SV2C: variants seen among roughly 807,000 people sequenced by gnomAD.
The protein encoded by SV2C is solute carrier family 22 member B3.
A neutral mutation model predicts 79.7 loss-of-function variants in SV2C; 49 were observed. That is an observed-to-expected ratio of 0.61 (90% CI 0.49 to 0.78). The LOEUF (loss-of-function observed/expected upper bound fraction) is 0.78, where lower values mean the gene tolerates loss of function less well. Among genes scored for constraint, SV2C ranks in the 30% least tolerant of loss-of-function variants. SV2C has a pLI of 0.00. For missense variants in SV2C, 833 were observed against 912.9 expected (o/e 0.91, Z 1.13); for synonymous variants, 334 against 333.2 (o/e 1.00, Z -0.03).
the SV2C span, among the ~76,000 whole-genome samples, chr5:76,005,459 A>G: frequency 1.3e-5 from 2 of 152,170 alleles, no homozygotes; most frequent in East Asian, 3.9e-4. Flanking sequence ...ATGGTTTTTT[A>G]GTTGGTTTTC....
chr5:76,213,026 C>T (rs34210438), intron 4 of SV2C, among the ~76,000 whole-genome samples: 15,862 of 152,104 alleles, frequency 0.1, 1,078 homozygotes, highest in Non-Finnish European at 0.16. Context: ...AAAACAATGA[C>T]GACACAACAA....
At chr5:76,168,434 G>A (rs1027939065) in intron 2 of SV2C, among the ~76,000 whole-genome samples, 1 of 151,390 alleles carries the variant, frequency 6.6e-6, no homozygotes, top group Non-Finnish European at 1.5e-5. Flanking sequence ...ATAATAATAT[G>A]TGGAACTCCT....
the SV2C span, among the ~76,000 whole-genome samples, chr5:75,991,964 A>AT: frequency 6.6e-6 from 1 of 151,572 alleles, no homozygotes; most frequent in Non-Finnish European, 1.5e-5. Flanking sequence ...TTGTTTTGCA[A>AT]TTTTTTTCTT....
chr5:75,896,651 C>A, the SV2C span, among the ~76,000 whole-genome samples: 1 of 151,706 alleles, frequency 6.6e-6, no homozygotes, highest in African/African-American at 2.4e-5. Flanking sequence ...ACACTGACTT[C>A]CACAATGGTT....
chr5:75,981,787 C>G, the SV2C span, among the ~76,000 whole-genome samples: 1 of 152,002 alleles, frequency 6.6e-6, no homozygotes, highest in Non-Finnish European at 1.5e-5. Flanking sequence ...CTAGGCAATA[C>G]TATTCAGGAC....
chr5:75,883,405 G>A, the SV2C span, among the ~76,000 whole-genome samples: 9 of 142,842 alleles, frequency 6.3e-5, 1 homozygote, highest in African/African-American at 1.5e-4. Flanking sequence ...TGTTTATTGC[G>A]GCATTATTCA....
At chr5:76,100,424 T>A (rs1425906878) in intron 1 of SV2C, among the ~76,000 whole-genome samples, 3 of 152,202 alleles carry the variant, frequency 2.0e-5, no homozygotes, top group Non-Finnish European at 4.4e-5. Flanking sequence ...GTCACACTAG[T>A]GATTTAATAA....
chr5:75,863,538 T>C, the SV2C span, among the ~76,000 whole-genome samples: 57 of 152,354 alleles, frequency 3.7e-4, 1 homozygote, highest in Non-Finnish European at 7.5e-4. Flanking sequence ...AATCTGATTA[T>C]CCATGTGGAA....
chr5:76,335,032 C>T (rs146997566), downstream of SV2C, among the ~76,000 whole-genome samples: 374 of 152,326 alleles, frequency 2.5e-3, 3 homozygotes, highest in Non-Finnish European at 4.1e-3. Context: ...TTAAACTTAA[C>T]TAAAACCAAG....
Position 76,272,566 on chromosome 5 carries a change from G to C in SV2C, c.914-12596G>C, listed in dbSNP as rs191896731. 2.4e-3 allele frequency among the ~76,000 whole-genome samples: 371 copies of C among 152,276 alleles called. 3 individuals carry two copies. Among genetic ancestry groups the C allele is most frequent in the Non-Finnish European group, 4.2e-3 (283 of 68,010 alleles). On this transcript the variant is annotated intron_variant, in intron 4 of 12. Transcript: ENST00000502798. The stretch of plus-strand genomic sequence containing the variant: ...TGCTGCAAGTCCTCTATCAACTTTT[G>C]GACACTTGTCTCAGGACTAACTGCA...
chr5:75,876,940 A>G, the SV2C span, among the ~76,000 whole-genome samples: 1 of 152,156 alleles, frequency 6.6e-6, no homozygotes, highest in East Asian at 1.9e-4. Flanking sequence ...AGTGACATAA[A>G]TCTATATCAA....
At chr5:75,861,952 A>G in the SV2C span, among the ~76,000 whole-genome samples, 1 of 152,226 alleles carries the variant, frequency 6.6e-6, no homozygotes, top group Non-Finnish European at 1.5e-5. Flanking sequence ...CTGTACATGT[A>G]TCTTCTGAAC....
At chr5:76,141,734 G>C (rs984505675) in intron 2 of SV2C, among the ~76,000 whole-genome samples, 3 of 141,890 alleles carry the variant, frequency 2.1e-5, no homozygotes, top group Admixed American at 1.5e-4. Context: ...TGAGGCAGGA[G>C]AATGGCTTGA....
the SV2C span, among the ~76,000 whole-genome samples, chr5:75,903,106 G>C: frequency 2.6e-5 from 4 of 152,188 alleles, no homozygotes; most frequent in Non-Finnish European, 5.9e-5. Flanking sequence ...AAAGTGAACA[G>C]CTATTAAGGA....
intron 2 of SV2C, among the ~76,000 whole-genome samples, chr5:76,163,707 T>C (rs1269628751): frequency 2.0e-5 from 3 of 152,344 alleles, no homozygotes; most frequent in African/African-American, 7.2e-5. Flanking sequence ...TTTAAGAATT[T>C]TCGTAATGAA....
the SV2C span, among the ~76,000 whole-genome samples, chr5:76,048,316 G>A: frequency 2.0e-4 from 30 of 152,314 alleles, no homozygotes; most frequent in East Asian, 4.1e-3. Context: ...GGCAAGAGAA[G>A]ATGGATGTCC....
chr5:76,272,199 C>CT (rs565321579), intron 4 of SV2C, among the ~76,000 whole-genome samples: 2 of 152,284 alleles, frequency 1.3e-5, no homozygotes, highest in South Asian at 4.1e-4. Context: ...AGCACCTGGG[C>CT]TGACCTCTGC....
intron 12 of SV2C, among the ~76,000 whole-genome samples, chr5:76,306,390 T>C (rs986729542): frequency 6.6e-6 from 1 of 152,166 alleles, no homozygotes; most frequent in Non-Finnish European, 1.5e-5. Context: ...TTTTAGGAGC[T>C]CAATGCCGGG....
At chr5:76,118,633 G>A (rs534193826) in intron 1 of SV2C, among the ~76,000 whole-genome samples, 2 of 152,096 alleles carry the variant, frequency 1.3e-5, no homozygotes, top group African/African-American at 2.4e-5. Flanking sequence ...ACATGCTTCT[G>A]GAATTATAAA....
Sources: allele counts gnomAD v4.1 joint callset (sites outside exome capture counted in the v4.1 genomes callset), GRCh38; gene constraint gnomAD v4.1.1; transcripts MANE v1.5; gene names NCBI Gene and HGNC (gene_info 2026-07-23, HGNC 2026-07-21).